Variants in CSMD1 observed in about 807,000 individuals in gnomAD.
The protein encoded by CSMD1 is CUB and sushi domain-containing protein 1.
A neutral mutation model predicts 417.5 loss-of-function variants in CSMD1; 213 were observed. The observed-to-expected ratio is 0.51, with a 90% CI of 0.46 to 0.57. The LOEUF (loss-of-function observed/expected upper bound fraction) is 0.57. Among genes scored for constraint, CSMD1 ranks in the 20% least tolerant of loss-of-function variants. The pLI, the probability that CSMD1 is intolerant of heterozygous loss-of-function variation, is 0.00. For missense variants in CSMD1, 6,923 were observed against 4,529.7 expected (o/e 1.53, Z -15.17); for synonymous variants, 2,862 against 1,736.8 (o/e 1.65, Z -16.11).
intron 5 of CSMD1, among the ~76,000 whole-genome samples, chr8:3,804,075 C>A (rs1048031979): frequency 1.3e-5 from 2 of 152,006 alleles, no homozygotes; most frequent in Non-Finnish European, 2.9e-5. Flanking sequence ...TACAGACGTG[C>A]ACCACCACAT....
intron 2 of CSMD1, among the ~76,000 whole-genome samples, chr8:4,424,451 T>A (rs1438197): frequency 6.6e-6 from 1 of 151,834 alleles, no homozygotes; most frequent in East Asian, 1.9e-4. Flanking sequence ...TCTACATCAA[T>A]AGACATCAGA....
intron 52 of CSMD1, among the ~76,000 whole-genome samples, chr8:3,014,339 A>G (rs1228686829): frequency 6.6e-6 from 1 of 152,226 alleles, no homozygotes; most frequent in East Asian, 1.9e-4. Flanking sequence ...TTACTTATGA[A>G]GAATATGCTT....
chr8:3,169,807 AC>A (rs952456296), intron 37 of CSMD1, among the ~76,000 whole-genome samples: 12 of 151,798 alleles, frequency 7.9e-5, no homozygotes, highest in South Asian at 2.1e-4. Flanking sequence ...AATTCCAAGT[AC>A]CCCCCACTTT....
intron 26 of CSMD1, among the ~76,000 whole-genome samples, chr8:3,250,063 T>C (rs986298440): frequency 1.3e-5 from 2 of 152,238 alleles, no homozygotes; most frequent in African/African-American, 4.8e-5. Flanking sequence ...TTTTTGTTTA[T>C]TTATTTTTAA....
intron 2 of CSMD1, among the ~76,000 whole-genome samples, chr8:4,578,283 C>G (rs886566337): frequency 6.7e-6 from 1 of 148,934 alleles, no homozygotes; most frequent in African/African-American, 2.5e-5. Context: ...GCCTCAGCCT[C>G]CCGAGTAGAG....
At chr8:3,051,812 T>C (rs1187366196) in intron 50 of CSMD1, among the ~76,000 whole-genome samples, 1 of 152,210 alleles carries the variant, frequency 6.6e-6, no homozygotes, top group South Asian at 2.1e-4. Flanking sequence ...AGAAATTTAG[T>C]GTGTATGTGA....
chr8:3,942,399 G>C (rs1435504262), intron 5 of CSMD1, among the ~76,000 whole-genome samples: 7 of 152,066 alleles, frequency 4.6e-5, no homozygotes, highest in Non-Finnish European at 1.0e-4. Flanking sequence ...TTCTCAAAGT[G>C]ACACTGCTAA....
intron 5 of CSMD1, among the ~76,000 whole-genome samples, chr8:3,859,281 T>C (rs1048081267): frequency 6.6e-6 from 1 of 152,222 alleles, no homozygotes; most frequent in South Asian, 2.1e-4. Context: ...TTTCTAGTTT[T>C]CCTTCAACAC....
At chr8:3,510,288 C>T (rs1347241717) in intron 10 of CSMD1, among the ~76,000 whole-genome samples, 1 of 151,874 alleles carries the variant, frequency 6.6e-6, no homozygotes, top group Non-Finnish European at 1.5e-5. Flanking sequence ...TCTCACTCCA[C>T]ATGGCCTGCC....
chr8:4,971,408 T>G (rs966128190), intron 1 of CSMD1, among the ~76,000 whole-genome samples: 1 of 152,076 alleles, frequency 6.6e-6, no homozygotes, highest in African/African-American at 2.4e-5. Flanking sequence ...AACTCTTTTC[T>G]CTAACACTAC....
chr8:3,863,538 A>T (rs1490821021), intron 5 of CSMD1, among the ~76,000 whole-genome samples: 1 of 152,134 alleles, frequency 6.6e-6, no homozygotes, highest in Non-Finnish European at 1.5e-5. Flanking sequence ...TTTTAGGAGG[A>T]CACCAACATT....
intron 20 of CSMD1, among the ~76,000 whole-genome samples, chr8:3,366,317 T>A (rs1809563972): frequency 6.6e-6 from 1 of 152,134 alleles, no homozygotes; most frequent in Admixed American, 6.5e-5. Flanking sequence ...ATCATTTGTT[T>A]ATGTGACCAA....
At chr8:4,113,590 G>C (rs1801974762) in intron 3 of CSMD1, among the ~76,000 whole-genome samples, 1 of 151,950 alleles carries the variant, frequency 6.6e-6, no homozygotes, top group Non-Finnish European at 1.5e-5. Context: ...TATTTTAGTA[G>C]AGACAGAGTT....
At chr8:4,697,854 A>T (rs1807239675) in intron 1 of CSMD1, among the ~76,000 whole-genome samples, 1 of 152,210 alleles carries the variant, frequency 6.6e-6, no homozygotes, top group African/African-American at 2.4e-5. Flanking sequence ...AAACTGCTTG[A>T]TATTTGTAAT....
At chr8:3,841,802 G>C (rs541846441) in intron 5 of CSMD1, among the ~76,000 whole-genome samples, 6 of 151,830 alleles carry the variant, frequency 4.0e-5, no homozygotes, top group African/African-American at 7.3e-5. Flanking sequence ...GTGCAAATCA[G>C]CCCATGATCT....
chr8:4,035,991 T>G (rs1797596487), intron 3 of CSMD1, among the ~76,000 whole-genome samples: 1 of 152,174 alleles, frequency 6.6e-6, no homozygotes, highest in African/African-American at 2.4e-5. Context: ...TTTTTATTTT[T>G]AATGCTGTTT....
chr8:4,757,813 G>C (rs77661773), intron 1 of CSMD1, among the ~76,000 whole-genome samples: 1 of 151,844 alleles, frequency 6.6e-6, no homozygotes, highest in Non-Finnish European at 1.5e-5. Context: ...AGGAAAATTA[G>C]CGAGGCACGG....
chr8:3,930,348 A>C (rs1372776672), intron 5 of CSMD1, among the ~76,000 whole-genome samples: 1 of 150,726 alleles, frequency 6.6e-6, no homozygotes, highest in African/African-American at 2.4e-5. Context: ...GCCATAATAA[A>C]GAAATCAATG....
rs142812342 is a variant in CSMD1, at chr8:3,954,321, G to A, written c.818+43582C>T. Among the ~76,000 whole-genome samples the A allele has an allele frequency of 8.5e-4, 130 of 152,296 alleles. No individual in the cohort carries two copies. The East Asian group carries it at 0.014, about 16-fold the overall frequency. On this transcript the variant is annotated intron_variant, in intron 5 of 69. Coordinates refer to ENST00000635120, the MANE Select transcript of CSMD1 (RefSeq NM_033225.6). ...GAGAGACCAGGGCATGCACGCGAAG[G>A]CTGAAGAGAGAAGGTCAAGAGCCAT...
Sources: allele counts gnomAD v4.1 joint callset (sites outside exome capture counted in the v4.1 genomes callset), GRCh38; gene constraint gnomAD v4.1.1; transcripts MANE v1.5; gene names NCBI Gene and HGNC (gene_info 2026-07-23, HGNC 2026-07-21).